The following STK38L variants were observed in gnomAD, a reference collection of about 807,000 sequenced individuals.
STK38L encodes the protein serine/threonine-protein kinase 38-like.
In STK38L, 28 loss-of-function variants were observed where a neutral mutation model predicts 59.7. The observed-to-expected ratio is 0.47, with a 90% CI of 0.35 to 0.64. STK38L has a LOEUF of 0.64. Among genes scored for constraint, STK38L ranks in the 30% least tolerant of loss-of-function variants. The pLI is 0.01. For synonymous variants in STK38L, 162 were observed against 176.8 expected, an observed-to-expected ratio of 0.92 and a Z score of 0.66; for missense variants, 314 against 555.8, an observed-to-expected ratio of 0.56 and a Z score of 4.37.
Position 27,257,744 on chromosome 12 carries a change from A to G in STK38L, c.-12+13412A>G, listed in dbSNP as rs112588902. Among the ~76,000 whole-genome samples the G allele has an allele frequency of 2.6e-5, 4 of 152,320 alleles. 1 individual carries two copies. The highest frequency in any genetic ancestry group is 9.6e-5 in the African/African-American group (4 of 41,574). Reference sequence around the variant, plus strand: ...AGATATGAGCCAACTAGTACAGTGTAGAGTATGGCATTCACCTTCCTTGTG... The same window carrying G: ...AGATATGAGCCAACTAGTACAGTGTGGAGTATGGCATTCACCTTCCTTGTG... On this transcript the variant is annotated intron_variant, in intron 1 of 13. Coordinates refer to ENST00000389032, the MANE Select transcript of STK38L (RefSeq NM_015000.4).
At chr12:27,258,077 G>A (rs565859627) in intron 1 of STK38L, among the ~76,000 whole-genome samples, 43 of 151,892 alleles carry the variant, frequency 2.8e-4, no homozygotes, top group African/African-American at 1.0e-3. Context: ...GGCTGGTCTC[G>A]AATTCCTGAC....
At chr12:27,280,176 A>C in intron 1 of STK38L, among the ~76,000 whole-genome samples, 1 of 152,248 alleles carries the variant, frequency 6.6e-6, no homozygotes, top group African/African-American at 2.4e-5. Flanking sequence ...TATAGTAGTC[A>C]TGAACATTTC....
intron 8 of STK38L, 77 bp downstream of exon 8, chr12:27,315,194 A>G (rs776361514): frequency 1.9e-6 from 3 of 1,572,208 alleles, no homozygotes; most frequent in East Asian, 4.5e-5. Context: ...CCCTTTCCCC[A>G]CTCCTTAATC....
At chr12:27,256,989 T>C (rs1943103930) in intron 1 of STK38L, among the ~76,000 whole-genome samples, 1 of 152,196 alleles carries the variant, frequency 6.6e-6, no homozygotes, top group Admixed American at 6.5e-5. Context: ...TGGATTGTCA[T>C]ATTTAAGGTA....
chr12:27,299,417 C>A (rs573469833), intron 2 of STK38L, among the ~76,000 whole-genome samples: 114 of 151,952 alleles, frequency 7.5e-4, no homozygotes, highest in African/African-American at 2.6e-3. Flanking sequence ...AGAGCAGAGG[C>A]AAACAAACAA....
At chr12:27,293,302 A>G (rs1321483794) in intron 1 of STK38L, among the ~76,000 whole-genome samples, 1 of 152,242 alleles carries the variant, frequency 6.6e-6, no homozygotes, top group African/African-American at 2.4e-5. Flanking sequence ...GTAGCAGACC[A>G]TCTCCTACAG....
At chr12:27,251,341 G>A (rs1434552511) in intron 1 of STK38L, among the ~76,000 whole-genome samples, 1 of 152,138 alleles carries the variant, frequency 6.6e-6, no homozygotes, top group Non-Finnish European at 1.5e-5. Context: ...ATAGTTTTAT[G>A]AAGCGTTTTT....
At chr12:27,257,040 C>G (rs1268820083) in intron 1 of STK38L, among the ~76,000 whole-genome samples, 1 of 152,162 alleles carries the variant, frequency 6.6e-6, no homozygotes, top group African/African-American at 2.4e-5. Context: ...GAACATTTTT[C>G]TGAACATTTT....
chr12:27,305,836 C>A (rs1399609966), intron 3 of STK38L, among the ~76,000 whole-genome samples: 1 of 152,136 alleles, frequency 6.6e-6, no homozygotes, highest in Non-Finnish European at 1.5e-5. Context: ...AAAAGAGAGT[C>A]GTGAAATGTT....
chr12:27,260,640 C>G (rs183445285), intron 1 of STK38L, among the ~76,000 whole-genome samples: 55 of 152,240 alleles, frequency 3.6e-4, no homozygotes, highest in African/African-American at 1.3e-3. Flanking sequence ...CTGTGTGGTA[C>G]TCTCCTCCCT....
chr12:27,296,861 C>G (rs1944037623), intron 1 of STK38L, among the ~76,000 whole-genome samples: 1 of 152,200 alleles, frequency 6.6e-6, no homozygotes, highest in South Asian at 2.1e-4. Context: ...TCTAATAGTC[C>G]AGATTATTTT....
At chr12:27,269,714 C>T (rs1943378485) in intron 1 of STK38L, among the ~76,000 whole-genome samples, 3 of 152,166 alleles carry the variant, frequency 2.0e-5, no homozygotes, top group Admixed American at 1.3e-4. Flanking sequence ...GTGATCTTGG[C>T]TCACTGCAAC....
chr12:27,311,624 G>A (rs1944455258), intron 5 of STK38L, among the ~76,000 whole-genome samples: 1 of 152,084 alleles, frequency 6.6e-6, no homozygotes, highest in Non-Finnish European at 1.5e-5. Context: ...TCACATGATA[G>A]TATCTCTAGT....
At chr12:27,254,826 G>C (rs1271773108) in intron 1 of STK38L, among the ~76,000 whole-genome samples, 4 of 152,084 alleles carry the variant, frequency 2.6e-5, no homozygotes, top group Non-Finnish European at 5.9e-5. Flanking sequence ...AAGTACATAT[G>C]GTTAAAAGAG....
chr12:27,254,270 A>C (rs1943038818), intron 1 of STK38L, among the ~76,000 whole-genome samples: 1 of 152,160 alleles, frequency 6.6e-6, no homozygotes, highest in Non-Finnish European at 1.5e-5. Flanking sequence ...CCTAATAATG[A>C]AGTCCTTTTA....
intron 1 of STK38L, among the ~76,000 whole-genome samples, chr12:27,294,632 A>G (rs1943969888): frequency 6.6e-6 from 1 of 151,796 alleles, no homozygotes. Flanking sequence ...TCCCATCCCA[A>G]GCCCCAGTTA....
chr12:27,295,307 G>C (rs1943990150), intron 1 of STK38L, among the ~76,000 whole-genome samples: 1 of 152,106 alleles, frequency 6.6e-6, no homozygotes, highest in South Asian at 2.1e-4. Flanking sequence ...CTTAGAACTA[G>C]GCCTGTGAAC....
intron 1 of STK38L, among the ~76,000 whole-genome samples, chr12:27,270,012 T>C (rs1943389523): frequency 6.6e-6 from 1 of 152,196 alleles, no homozygotes; most frequent in Admixed American, 6.5e-5. Context: ...AATTAACTCA[T>C]TTAATCCCGT....
chr12:27,278,830 G>C (rs910064253), intron 1 of STK38L, among the ~76,000 whole-genome samples: 3 of 152,180 alleles, frequency 2.0e-5, no homozygotes, highest in Non-Finnish European at 2.9e-5. Context: ...GCTGAAATCA[G>C]CTGAGGCTGG....
Sources: gnomAD v4.1 joint callset for allele counts (sites outside exome capture counted in the v4.1 genomes callset) on GRCh38, gnomAD v4.1.1 for gene constraint, MANE v1.5 for transcripts, NCBI Gene and HGNC (gene_info 2026-07-23, HGNC 2026-07-21) for gene names.